The following CLEC4F variants were observed in gnomAD, a reference collection of about 807,000 sequenced individuals.
The protein encoded by CLEC4F is C-type lectin domain family 4 member F.
Under a neutral mutation model 53.4 loss-of-function variants are expected in CLEC4F, and 45 were observed. That is an observed-to-expected ratio of 0.84 (90% CI 0.66 to 1.08). The LOEUF (loss-of-function observed/expected upper bound fraction) is 1.08. Ranked by LOEUF, CLEC4F falls within the 50% of genes least tolerant of loss-of-function variation. The pLI is 0.00. For synonymous variants in CLEC4F, 245 were observed against 257.5 expected (o/e 0.95, Z 0.46); for missense variants, 753 against 698.2 (o/e 1.08, Z -0.88).
chr2:70,809,475 G>A, intron 6 of CLEC4F, 93 bp from the exon 7 acceptor site: 1 of 1,395,114 alleles, frequency 7.2e-7, no homozygotes, highest in Non-Finnish European at 9.7e-7. Context: ...CCTCTGTGGA[G>A]GAGTCCAGGT....
At chr2:70,822,903 A>G (rs7599509), upstream of CLEC4F, among the ~76,000 whole-genome samples, 93,525 of 152,072 alleles carry the variant, frequency 0.62, 29,218 homozygotes, top group Middle Eastern at 0.7. Flanking sequence ...CCCAGCTGCC[A>G]ACTAACAACA....
chr2:70,811,151 G>T, intron 5 of CLEC4F: 1 of 697,220 alleles, frequency 1.4e-6, no homozygotes, highest in Non-Finnish European at 2.6e-6. Context: ...GCTATGCAAA[G>T]AAAAATCCAT....
In CLEC4F at chr2:70,816,443, G is replaced by C. The variant is rs782073356; in HGVS notation, c.938C>G (p.Thr313Ser). The C allele has an allele frequency of 5.6e-6, 9 of 1,614,120 alleles. No individual in the cohort carries two copies. Among genetic ancestry groups the C allele is most frequent in the Non-Finnish European group, 7.6e-6 (9 of 1,180,012 alleles). The change falls in exon 4 of 7, where the codon ACT (threonine) becomes AGT (serine). Residue 313 changes from threonine to serine, a missense_variant. By Grantham distance (58) the Thr-to-Ser change is moderately conservative. Coordinates refer to ENST00000272367, the MANE Select transcript of CLEC4F (RefSeq NM_173535.3). The part of the protein sequence containing the change: ...QAFIKSSFDN[T>S]SAEIQFLRGH... The stretch of plus-strand genomic sequence containing the variant: ...TCTTAAGAACTGGATCTCAGCACTA[G>C]TGTTGTCAAAACTGCTTTTTATAAA...
chr2:70,820,595 G>A lies in CLEC4F; in HGVS notation c.-72C>T. The A allele has an allele frequency of 6.9e-7, 1 of 1,440,016 alleles. No homozygotes were observed. Among genetic ancestry groups the A allele is most frequent in the Non-Finnish European group, 9.5e-7 (1 of 1,057,822 alleles). The allele number at this position is 1,440,016 out of a possible 1,614,324, so 89.2% of individuals were successfully genotyped here. A position where few individuals can be genotyped will look rare whatever the true frequency, so the allele number is the denominator to read the frequency against. ...GGAAGGGCCGTCCCGTGGACCAATG[G>A]CAGTGGAAGCAAAGCTGAGACACCC... On this transcript the variant is annotated 5_prime_UTR_variant, in exon 1 of 7. Transcript: ENST00000272367.
chr2:70,820,277 C>T (rs1379197789), intron 1 of CLEC4F, among the ~76,000 whole-genome samples, 186 bp downstream of exon 1: 2 of 152,178 alleles, frequency 1.3e-5, no homozygotes, highest in Admixed American at 1.3e-4. Flanking sequence ...GTGTGCAGAG[C>T]CGGGATTCCA....
At chr2:70,811,708 A>G (rs1676576946) in intron 5 of CLEC4F, among the ~76,000 whole-genome samples, 1 of 152,144 alleles carries the variant, frequency 6.6e-6, no homozygotes, top group Non-Finnish European at 1.5e-5. Flanking sequence ...TCGGACCCAT[A>G]GTTGTGTGCC....
At chr2:70,809,642 A>G in intron 6 of CLEC4F, 97 bp downstream of exon 6, 3 of 975,128 alleles carry the variant, frequency 3.1e-6, no homozygotes, top group Non-Finnish European at 4.9e-6. Flanking sequence ...ACACATATAC[A>G]CACAACACTA....
upstream of CLEC4F, among the ~76,000 whole-genome samples, chr2:70,824,621 CCAA>C (rs1200672784): frequency 1.0e-4 from 4 of 38,252 alleles, no homozygotes; most frequent in African/African-American, 9.8e-5. Flanking sequence ...TGCTTAGTTA[CCAA>C]AAAAAAAAAA....
chr2:70,818,023 C>T (rs1420546500), intron 3 of CLEC4F, among the ~76,000 whole-genome samples: 1 of 152,182 alleles, frequency 6.6e-6, no homozygotes, highest in Non-Finnish European at 1.5e-5. Context: ...TCTCACACAT[C>T]CATGATCCCC....
upstream of CLEC4F, among the ~76,000 whole-genome samples, chr2:70,822,770 C>T (rs115397962): frequency 8.1e-3 from 1,240 of 152,364 alleles, 16 homozygotes; most frequent in African/African-American, 0.028. Context: ...TAAACAAACT[C>T]ACAACCTTGC....
chr2:70,817,215 A>G, intron 3 of CLEC4F, 103 bp from the exon 4 acceptor site: 2 of 1,241,988 alleles, frequency 1.6e-6, no homozygotes, highest in Non-Finnish European at 2.2e-6. Context: ...GGAAATGGGT[A>G]CTGCACAGCC....
chr2:70,810,675 CA>C (rs1347136878), intron 5 of CLEC4F: 1 of 137,738 alleles, frequency 7.3e-6, no homozygotes, highest in Non-Finnish European at 1.6e-5. Flanking sequence ...ACACAGGATA[CA>C]AAAACCTATA....
upstream of CLEC4F, among the ~76,000 whole-genome samples, chr2:70,821,044 G>C (rs1677200572): frequency 6.6e-6 from 1 of 152,178 alleles, no homozygotes; most frequent in Admixed American, 6.5e-5. Flanking sequence ...CTGAATTATA[G>C]TATACAGGAG....
At chr2:70,809,992 CTT>C (rs1676462281) in intron 5 of CLEC4F, 135 bp from the exon 6 acceptor site, 2 of 655,406 alleles carry the variant, frequency 3.1e-6, no homozygotes, top group Non-Finnish European at 5.5e-6. Flanking sequence ...TTTTAAAACA[CTT>C]TTATCTCATT....
chr2:70,825,175 C>T (rs1677316577), upstream of CLEC4F, among the ~76,000 whole-genome samples: 1 of 152,122 alleles, frequency 6.6e-6, no homozygotes, highest in African/African-American at 2.4e-5. Context: ...AGACAAATTC[C>T]ATTTAAGGGA....
Position 70,812,585 on chromosome 2 carries a change from C to G in CLEC4F, c.1401G>C (p.Gln467His), listed in dbSNP as rs1553394571. 1.2e-6 allele frequency: 2 copies of G among 1,613,990 alleles called. No individual in the cohort carries two copies. The highest frequency in any genetic ancestry group is 4.5e-5 in the East Asian group (2 of 44,888). Residue 467 changes from glutamine (Q) to histidine (H), a missense_variant, in exon 5 of 7, where the codon CAG becomes CAC. Physicochemically the swap from Gln to His is conservative, Grantham distance 24. Coordinates refer to ENST00000272367, the MANE Select transcript of CLEC4F (RefSeq NM_173535.3). The part of the protein sequence containing the change: ...QLQRTQSQLL[Q>H]MVLQGWKFNG... ...TGAACTTCCAGCCTTGCAGGACCAT[C>G]TGGAGAAGCTGACCTGGAGCAAAGA...
Position 70,816,013 on chromosome 2 carries a change from T to G in CLEC4F, c.1368A>C (p.Glu456Asp). 1.9e-6 allele frequency: 3 copies of G among 1,613,586 alleles called. No homozygotes were observed. The highest frequency in any genetic ancestry group is 2.5e-6 in the Non-Finnish European group (3 of 1,179,766). The stretch of plus-strand genomic sequence containing the variant: ...ACTTACTTTGGGTTCTTTGTAGCTG[T>G]TCCTGTGAAGTAATGACCACATGGA... ...KTLHVVITSQEQLQRTQSQLL... is the reference protein window; with the variant it reads ...KTLHVVITSQDQLQRTQSQLL... The change falls in exon 4 of 7, where the codon GAA becomes GAC. Residue 456 changes from glutamate (E) to aspartate (D), a missense_variant. Transcript: ENST00000272367.
chr2:70,824,086 C>A (rs868969166), upstream of CLEC4F, among the ~76,000 whole-genome samples: 3 of 149,546 alleles, frequency 2.0e-5, no homozygotes, highest in Admixed American at 6.6e-5. Context: ...TAAAGCCAAA[C>A]CAGAGGGAGC....
intron 3 of CLEC4F, among the ~76,000 whole-genome samples, chr2:70,818,414 G>T (rs1376258382): frequency 3.3e-5 from 5 of 152,098 alleles, no homozygotes; most frequent in Non-Finnish European, 5.9e-5. Context: ...AGACCTAAAT[G>T]TAAAACTAAA....
Sources: allele counts gnomAD v4.1 joint callset (sites outside exome capture counted in the v4.1 genomes callset), GRCh38; gene constraint gnomAD v4.1.1; transcripts MANE v1.5; gene names NCBI Gene and HGNC (gene_info 2026-07-23, HGNC 2026-07-21).